The following C1orf174 variants were observed in gnomAD, a reference collection of about 807,000 sequenced individuals.
C1orf174 encodes UPF0688 protein C1orf174.
Under a neutral mutation model 18.4 loss-of-function variants are expected in C1orf174, and 13 were observed. The ratio of observed to expected loss-of-function variants is 0.71; its 90% CI spans 0.46 to 1.12. The LOEUF is 1.12. Among genes scored for constraint, C1orf174 ranks in the 50% most tolerant of loss-of-function variants. C1orf174 has a pLI of 0.00. For synonymous variants in C1orf174, 100 were observed against 118.3 expected, an observed-to-expected ratio of 0.85 and a Z score of 1.01; for missense variants, 309 against 308.0, an observed-to-expected ratio of 1.00 and a Z score of -0.02.
chr1:3,899,692 G>A (rs1305189313), intron 1 of C1orf174, among the ~76,000 whole-genome samples: 1 of 152,218 alleles, frequency 6.6e-6, no homozygotes, highest in Admixed American at 6.5e-5. Context: ...TGGAGAGGGT[G>A]CCCCACCTTC....
At chr1:3,894,754 G>A (rs1010991312) in intron 1 of C1orf174, among the ~76,000 whole-genome samples, 7 of 152,198 alleles carry the variant, frequency 4.6e-5, no homozygotes, top group African/African-American at 1.4e-4. Flanking sequence ...GAGAAGAGCA[G>A]GCAGCAGCCC....
intron 1 of C1orf174, among the ~76,000 whole-genome samples, chr1:3,894,167 C>T (rs944011770): frequency 2.0e-5 from 3 of 152,080 alleles, no homozygotes; most frequent in African/African-American, 7.2e-5. Flanking sequence ...AGGAGCAATG[C>T]AGGTTGACAT....
chr1:3,895,821 T>G (rs1271705823), intron 1 of C1orf174: 1 of 152,248 alleles, frequency 6.6e-6, no homozygotes. Flanking sequence ...TTCCAGTAGA[T>G]TGTTTAATAA....
chr1:3,892,989 C>T lies in C1orf174; in HGVS notation c.23G>A (p.Gly8Asp), dbSNP rs1638539565. 2 of 1,613,960 alleles carry T rather than the reference C, an allele frequency of 1.2e-6. No individual in the cohort carries two copies. The highest frequency in any genetic ancestry group is 1.7e-6 in the Non-Finnish European group (2 of 1,179,940). MRSRKLT[G>D]AVRSSARLKA... is the part of the protein sequence containing the mutation. ...CAAGCGCGCTGAAGACCGCACTGCA[C>T]CTGTGAGCTAGAGAGATTGAGAGCC... Residue 8 changes from glycine (G) to aspartate (D), a missense_variant, in exon 2 of 4, where the codon GGT becomes GAT. Coordinates refer to ENST00000361605, the MANE Select transcript of C1orf174 (RefSeq NM_207356.3).
chr1:3,898,920 A>T (rs1357017814), intron 1 of C1orf174, among the ~76,000 whole-genome samples: 1 of 152,222 alleles, frequency 6.6e-6, no homozygotes, highest in Non-Finnish European at 1.5e-5. Context: ...AAAAATAACC[A>T]TATAAGAGTA....
rs200126694 is a variant in C1orf174 at position 3,900,227 on chromosome 1, A to G, written c.-41T>C. ...AGCCAAGCACCGCGCGCCCCGGCCA[A>G]CGCGTCCCGGCGGAGCGGCGACCCG... On this transcript the variant is annotated 5_prime_UTR_variant, in exon 1 of 4. Coordinates refer to ENST00000361605, the MANE Select transcript of C1orf174 (RefSeq NM_207356.3). The G allele has an allele frequency of 3.9e-6, 6 of 1,551,868 alleles. No individual in the cohort carries two copies. In the African/African-American group the frequency reaches 7.1e-5, roughly 18 times the overall value.
rs1351405536 is a variant in C1orf174 at position 3,889,554 on chromosome 1, G to T, written c.*406C>A. ...TACTAATAATACAAAAACTAGCTGG[G>T]TGTGGTGGTGTATGCCTGTAATCCC... On this transcript the variant is annotated 3_prime_UTR_variant, in exon 4 of 4. Transcript: ENST00000361605. 1 of 164,694 alleles carries T rather than the reference G, an allele frequency of 6.1e-6. No individual in the cohort carries two copies. The highest frequency in any genetic ancestry group is 1.3e-5 in the Non-Finnish European group (1 of 74,784). 10.2% of individuals were successfully genotyped at this position (164,694 alleles called of 1,614,324 possible). A position where few individuals can be genotyped will look rare whatever the true frequency, so the allele number is the denominator to read the frequency against.
At chr1:3,897,982 T>C (rs867161518) in intron 1 of C1orf174, among the ~76,000 whole-genome samples, 16 of 152,122 alleles carry the variant, frequency 1.1e-4, no homozygotes, top group Middle Eastern at 6.8e-3. Flanking sequence ...GGAATCTTAA[T>C]GAACAGAACT....
At chr1:3,896,919 A>G (rs1046800584) in intron 1 of C1orf174, among the ~76,000 whole-genome samples, 1 of 152,162 alleles carries the variant, frequency 6.6e-6, no homozygotes, top group African/African-American at 2.4e-5. Flanking sequence ...ACTGTCATCC[A>G]GAGTGGCTGG....
intron 1 of C1orf174, 90 bp downstream of exon 1, chr1:3,900,082 C>T: frequency 6.8e-7 from 1 of 1,469,700 alleles, no homozygotes; most frequent in East Asian, 2.8e-5. Context: ...GCCACAGGCA[C>T]CCCGTGACCC....
Position 3,891,644 on chromosome 1 carries a change from G to A in C1orf174, c.130-587C>T, listed in dbSNP as rs985726146. ...ACTTCACCGGTAAGTTCAGGAACTC[G>A]CTCCTCGGAATCGATGGCTGGGCTA... On this transcript the variant is annotated intron_variant, in intron 2 of 3. Coordinates refer to ENST00000361605, the MANE Select transcript of C1orf174 (RefSeq NM_207356.3). 1.7e-5 allele frequency: 17 copies of A among 986,078 alleles called. No homozygotes were observed. The Admixed American group carries it at 6.7e-4, about 39-fold the overall frequency. 61.1% of individuals were successfully genotyped at this position (986,078 alleles called of 1,614,324 possible). A position where few individuals can be genotyped will look rare whatever the true frequency, so the allele number is the denominator to read the frequency against.
At position 3,899,915 on chromosome 1, in the gene C1orf174, C is replaced by A. The variant is rs562436766; in HGVS notation, c.15+257G>T. 2.0e-5 allele frequency among the ~76,000 whole-genome samples: 3 copies of A among 151,980 alleles called. No individual in the cohort carries two copies. In the South Asian group the frequency reaches 6.2e-4, roughly 32 times the overall value. On this transcript the variant is annotated intron_variant, in intron 1 of 3. Transcript: ENST00000361605. ...GGGTAACCTGGGAGCCCCCTTCTCC[C>A]GGGGACGTGACCTGTGAGCTCCACT...
At position 3,891,026 on chromosome 1, in the gene C1orf174, C is replaced by T. The variant is rs111405753; in HGVS notation, c.161G>A (p.Arg54Gln). The part of the protein sequence containing the change: ...TSSSHKATDT[R>Q]TSKKFKCDKG... ...GTCACATTTGAACTTCTTGGACGTT[C>T]GCGTGTCTGTGGCTTTGTGGGATGA... Residue 54 changes from arginine to glutamine, a missense_variant, in exon 3 of 4, where the codon CGA becomes CAA. Arg to Gln is a conservative substitution (Grantham distance 43). Coordinates refer to ENST00000361605, the MANE Select transcript of C1orf174 (RefSeq NM_207356.3). 2.9e-3 allele frequency: 4,656 copies of T among 1,613,314 alleles called. 11 individuals carry two copies. The highest frequency in any genetic ancestry group is 3.6e-3 in the Non-Finnish European group (4,227 of 1,179,608).
chr1:3,889,794 T>C lies in C1orf174; in HGVS notation c.*166A>G, dbSNP rs10909819. On this transcript the variant is annotated 3_prime_UTR_variant, in exon 4 of 4. Coordinates refer to ENST00000361605, the MANE Select transcript of C1orf174 (RefSeq NM_207356.3). ...TTGAGTTTTAGTTCCCATGAGTACA[T>C]CCTCCACAGGTATTGGGTGCTTTGC... The C allele has an allele frequency of 0.15, 95,245 of 646,512 alleles. 7,389 individuals are homozygous for C. The highest frequency in any genetic ancestry group is 0.28 in the East Asian group (10,399 of 37,588). 40.0% of individuals were successfully genotyped at this position (646,512 alleles called of 1,614,324 possible).
chr1:3,895,448 C>T (rs978036829), intron 1 of C1orf174: 1 of 152,256 alleles, frequency 6.6e-6, no homozygotes, highest in Non-Finnish European at 1.5e-5. Context: ...GAACTTTTCG[C>T]GTGCAACAGG....
chr1:3,896,411 C>T (rs1377464073), intron 1 of C1orf174, among the ~76,000 whole-genome samples: 2 of 152,224 alleles, frequency 1.3e-5, no homozygotes, highest in Non-Finnish European at 2.9e-5. Flanking sequence ...TCTCAGGCTG[C>T]TGCTAGCTCC....
intron 1 of C1orf174, among the ~76,000 whole-genome samples, chr1:3,896,419 T>A (rs933934261): frequency 6.6e-6 from 1 of 152,102 alleles, no homozygotes; most frequent in Non-Finnish European, 1.5e-5. Flanking sequence ...TGCTGCTAGC[T>A]CCCCCAGCCC....
chr1:3,898,593 G>C (rs1307179497), intron 1 of C1orf174, among the ~76,000 whole-genome samples: 3 of 152,074 alleles, frequency 2.0e-5, no homozygotes, highest in Non-Finnish European at 4.4e-5. Flanking sequence ...AGTTCATCAG[G>C]CTGAAAGCAA....
rs1490926906 is a variant in C1orf174, at chr1:3,892,973, T to C, written c.39A>G (p.Ser13=). 1.6e-5 allele frequency: 26 copies of C among 1,613,832 alleles called. No homozygotes were observed. In the Admixed American group the frequency reaches 2.5e-4, roughly 16 times the overall value. The part of the protein sequence containing the change: ...SRKLTGAVRS[S]ARLKARSCSA... ...AACAACTTCGTGCTTTCAAGCGCGC[T>C]GAAGACCGCACTGCACCTGTGAGCT... The change falls in exon 2 of 4, where the codon TCA becomes TCG. Residue 13 remains serine (S), a synonymous_variant. Coordinates refer to ENST00000361605, the MANE Select transcript of C1orf174 (RefSeq NM_207356.3).
Sources: gnomAD v4.1 joint callset for allele counts (sites outside exome capture counted in the v4.1 genomes callset) on GRCh38, gnomAD v4.1.1 for gene constraint, MANE v1.5 for transcripts, NCBI Gene and HGNC (gene_info 2026-07-23, HGNC 2026-07-21) for gene names.